The following FANCL variants were observed in gnomAD, a reference collection of about 807,000 sequenced individuals.
FANCL encodes FA complementation group L, also known as E3 ubiquitin-protein ligase FANCL.
Under a neutral mutation model 59.4 loss-of-function variants are expected in FANCL, and 69 were observed. The ratio of observed to expected loss-of-function variants is 1.16; its 90% CI spans 0.96 to 1.42. The LOEUF is 1.42. FANCL is among the 40% of genes most tolerant of loss of function. The probability of loss-of-function intolerance (pLI) is 0.00; values close to 1 mark genes in which losing one functional copy is unlikely to be tolerated. For missense variants in FANCL, 519 were observed against 447.2 expected (o/e 1.16, Z -1.45); for synonymous variants, 180 against 147.1 (o/e 1.22, Z -1.62).
intron 4 of FANCL, among the ~76,000 whole-genome samples, chr2:58,225,258 C>T (rs1217622141): frequency 6.6e-6 from 1 of 151,182 alleles, no homozygotes; most frequent in Non-Finnish European, 1.5e-5. Context: ...ATCCCTGTGA[C>T]AGTTGCTAGG....
intron 3 of FANCL, among the ~76,000 whole-genome samples, chr2:58,228,497 C>A (rs1016932694): frequency 6.6e-6 from 1 of 152,216 alleles, no homozygotes; most frequent in Non-Finnish European, 1.5e-5. Context: ...CAGCTCAATA[C>A]TGTTTTTGTA....
intron 6 of FANCL, among the ~76,000 whole-genome samples, chr2:58,200,221 C>T (rs1185916138): frequency 6.6e-6 from 1 of 151,678 alleles, no homozygotes; most frequent in African/African-American, 2.4e-5. Context: ...ACTGGAAAAA[C>T]AATTTGTATG....
At chr2:58,235,402 A>C (rs546533330) in intron 1 of FANCL, among the ~76,000 whole-genome samples, 1 of 152,310 alleles carries the variant, frequency 6.6e-6, no homozygotes, top group South Asian at 2.1e-4. Context: ...TAGAGTGCTC[A>C]GAAGGTGTTG....
Position 58,232,153 on chromosome 2 carries a change from T to G in FANCL, c.97-41A>C, listed in dbSNP as rs566914449. ...AAAAGGATCACTCAAATTTTTATCT[T>G]TCACTTAATGCTGAGAAGTTAAACA... On this transcript the variant is annotated intron_variant, in intron 1 of 13. Coordinates refer to ENST00000233741, the MANE Select transcript of FANCL (RefSeq NM_018062.4). 23 of 1,498,018 alleles carry G rather than the reference T, an allele frequency of 1.5e-5. No homozygotes were observed. In the African/African-American group the frequency reaches 2.6e-4, roughly 17 times the overall value. The allele number at this position is 1,498,018 out of a possible 1,614,324, so 92.8% of individuals were successfully genotyped here. A position where few individuals can be genotyped will look rare whatever the true frequency, so the allele number is the denominator to read the frequency against.
At position 58,229,869 on chromosome 2, in the gene FANCL, A is replaced by C; in HGVS notation, c.161T>G (p.Leu54Ter). The C allele has an allele frequency of 6.2e-7, 1 of 1,607,312 alleles. No individual in the cohort carries two copies. The highest frequency in any genetic ancestry group is 8.5e-7 in the Non-Finnish European group (1 of 1,174,066). The part of the protein sequence containing the change: ...EDLQLKNARL[L>*]CSWQLRTILS... ...TATTGTTCTCAGCTGCCAACTACAT[A>C]ATAATCTAAAATTTTAATGAGACAA... The change falls in exon 3 of 14, where the codon TTA becomes TGA. Residue 54 changes from leucine to a stop codon, truncating the protein, a stop_gained. Coordinates refer to ENST00000233741, the MANE Select transcript of FANCL (RefSeq NM_018062.4). LOFTEE classifies it high-confidence loss of function.
intron 7 of FANCL, among the ~76,000 whole-genome samples, chr2:58,166,590 G>A (rs2095832775): frequency 6.6e-6 from 1 of 152,118 alleles, no homozygotes; most frequent in African/African-American, 2.4e-5. Flanking sequence ...AAACAATGTG[G>A]TATGTTTAAA....
intron 5 of FANCL, among the ~76,000 whole-genome samples, chr2:58,218,446 A>T (rs1692067087): frequency 6.6e-6 from 1 of 152,028 alleles, no homozygotes. Context: ...ATGTGGAAAG[A>T]AAAAGGCAGC....
intron 5 of FANCL, among the ~76,000 whole-genome samples, chr2:58,214,123 A>G (rs1422457520): frequency 6.6e-6 from 1 of 152,234 alleles, no homozygotes; most frequent in Non-Finnish European, 1.5e-5. Context: ...TAGCACAGTC[A>G]GTGGCACACA....
intron 5 of FANCL, among the ~76,000 whole-genome samples, chr2:58,209,944 C>G (rs1020738315): frequency 9.2e-5 from 14 of 152,140 alleles, no homozygotes; most frequent in Non-Finnish European, 1.6e-4. Context: ...TTGACAATCT[C>G]CCAGTTCGCA....
At chr2:58,177,792 T>TA (rs60381234) in intron 7 of FANCL, among the ~76,000 whole-genome samples, 8,850 of 128,312 alleles carry the variant, frequency 0.069, 406 homozygotes, top group African/African-American at 0.14. Flanking sequence ...TAAAAAAGAT[T>TA]AAAAAAAAAA....
chr2:58,212,817 C>G (rs1427995187), intron 5 of FANCL, among the ~76,000 whole-genome samples: 3 of 152,068 alleles, frequency 2.0e-5, no homozygotes, highest in African/African-American at 7.2e-5. Flanking sequence ...GCTGTTTTGA[C>G]TGTGTTTTTA....
chr2:58,179,426 C>T (rs762488803), intron 7 of FANCL, among the ~76,000 whole-genome samples: 2 of 152,066 alleles, frequency 1.3e-5, no homozygotes, highest in African/African-American at 2.4e-5. Flanking sequence ...TCAGAAATAA[C>T]GCCACACATC....
At chr2:58,180,252 A>G (rs1354133931) in intron 7 of FANCL, among the ~76,000 whole-genome samples, 1 of 152,132 alleles carries the variant, frequency 6.6e-6, no homozygotes, top group African/African-American at 2.4e-5. Context: ...AAATCATGCT[A>G]CTATAAAGAC....
chr2:58,221,922 A>T lies in FANCL; in HGVS notation c.374+20T>A. On this transcript the variant is annotated intron_variant, in intron 5 of 13. Coordinates refer to ENST00000233741, the MANE Select transcript of FANCL (RefSeq NM_018062.4). ...TATATAAAACAAAGGCATTTAAAAC[A>T]TATTTTAAAACAGACATACTTATCC... 1 of 1,528,818 alleles carries T rather than the reference A, an allele frequency of 6.5e-7. No individual in the cohort carries two copies. Among genetic ancestry groups the T allele is most frequent in the Non-Finnish European group, 9.1e-7 (1 of 1,102,944 alleles). The allele number at this position is 1,528,818 out of a possible 1,614,324, so 94.7% of individuals were successfully genotyped here.
chr2:58,213,728 AAAAG>A (rs1691416136), intron 5 of FANCL: 1 of 133,872 alleles, frequency 7.5e-6, no homozygotes, highest in Non-Finnish European at 1.5e-5. Context: ...AAAAAAAAAA[AAAAG>A]AGAGGGAAAA....
chr2:58,201,396 TAAG>T (rs1387658257), intron 6 of FANCL, among the ~76,000 whole-genome samples: 1 of 151,786 alleles, frequency 6.6e-6, no homozygotes, highest in African/African-American at 2.4e-5. Context: ...TACATAATAT[TAAG>T]TATATATTTT....
At chr2:58,205,461 T>C (rs763660087) in intron 5 of FANCL, among the ~76,000 whole-genome samples, 2 of 152,098 alleles carry the variant, frequency 1.3e-5, no homozygotes, top group Non-Finnish European at 2.9e-5. Context: ...AAAATTAGAA[T>C]GTCTTTATCA....
rs774650533 is a variant in FANCL at position 58,204,158 on chromosome 2, TG to T, written c.442del (p.His148IlefsTer2). 6.2e-7 allele frequency: 1 copy of T among 1,613,256 alleles called. No homozygotes were observed. The highest frequency in any genetic ancestry group is 8.5e-7 in the Non-Finnish European group (1 of 1,179,314). ...LKAEDASGRE[H>X]LITLKLKAKY... ...TGCCTTCAACTTGAGAGTGATTAAA[TG>T]CTCTCTACCAGAAGCATCTTCTGCT... On this transcript the variant is annotated frameshift_variant, in exon 6 of 14. Coordinates refer to ENST00000233741, the MANE Select transcript of FANCL (RefSeq NM_018062.4). LOFTEE classifies it high-confidence loss of function.
chr2:58,163,203 C>A (rs1573515954), intron 9 of FANCL, 129 bp from the exon 10 acceptor site: 1 of 832,902 alleles, frequency 1.2e-6, no homozygotes, highest in South Asian at 1.6e-5. Flanking sequence ...TGTTAAAAAA[C>A]AAAATTATAC....
Sources: allele counts gnomAD v4.1 joint callset (sites outside exome capture counted in the v4.1 genomes callset), GRCh38; gene constraint gnomAD v4.1.1; transcripts MANE v1.5; gene names NCBI Gene and HGNC (gene_info 2026-07-23, HGNC 2026-07-21).